The following EPHX3 variants were observed in gnomAD, a reference collection of about 807,000 sequenced individuals.
EPHX3 encodes epoxide hydrolase 3, also known as abhydrolase domain containing 9.
In EPHX3, 39 loss-of-function variants were observed where a neutral mutation model predicts 40.2. The observed-to-expected ratio is 0.97, with a 90% CI of 0.75 to 1.27. The LOEUF is 1.27. EPHX3 is among the 50% of genes most tolerant of loss of function. The pLI is 0.00. For synonymous variants in EPHX3, 213 were observed against 209.7 expected (o/e 1.02, Z -0.14); for missense variants, 442 against 474.0 (o/e 0.93, Z 0.63).
At position 15,231,052 on chromosome 19, in the gene EPHX3, C is replaced by T. The variant is rs140472573; in HGVS notation, c.526G>A (p.Ala176Thr). 7.2e-5 allele frequency: 116 copies of T among 1,614,102 alleles called. No individual in the cohort carries two copies. In the African/African-American group the frequency reaches 1.4e-3, roughly 19 times the overall value. ...ATGGAGAAATGCCAGGCAAGGAGGG[C>T]ACCCCAGTCATGGGCCACAAGGATG... ...KCILVAHDWG[A>T]LLAWHFSIYY... The change falls in exon 4 of 7, where the codon GCC (alanine) becomes ACC (threonine). Residue 176 changes from alanine to threonine, a missense_variant. Physicochemically the swap from Ala to Thr is moderately conservative, Grantham distance 58. Transcript: ENST00000221730.
chr19:15,236,239 T>G (rs1048262144), upstream of EPHX3: 1 of 152,250 alleles, frequency 6.6e-6, no homozygotes, highest in African/African-American at 2.4e-5. Context: ...ACTTGTATCT[T>G]ACATCTTAGG....
At chr19:15,231,447 C>A (rs777917701) in intron 2 of EPHX3, 51 bp from the exon 3 acceptor site, 27 of 1,591,016 alleles carry the variant, frequency 1.7e-5, no homozygotes, top group Non-Finnish European at 2.2e-5. Context: ...CAGGTTGCAC[C>A]TGCACCCTAC....
intron 4 of EPHX3, among the ~76,000 whole-genome samples, chr19:15,229,266 G>A (rs532602120): frequency 1.1e-4 from 16 of 151,974 alleles, no homozygotes; most frequent in South Asian, 2.1e-4. Context: ...TGCAGTCCCC[G>A]CTACTCTGGA....
rs1294876339 is a variant in EPHX3, at chr19:15,227,770, C to A, written c.857+1G>T. Reference sequence around the variant, plus strand: ...AGCTTATGCTTGGCAACTGGTCTCACCTGAAGAGGTTTCGGTAGTAGTTGA... The same window carrying A: ...AGCTTATGCTTGGCAACTGGTCTCAACTGAAGAGGTTTCGGTAGTAGTTGA... On this transcript the variant is annotated splice_donor_variant, in intron 6 of 6. Transcript: ENST00000221730. LOFTEE classifies it high-confidence loss of function. 1.2e-6 allele frequency: 2 copies of A among 1,613,662 alleles called. No homozygotes were observed. The highest frequency in any genetic ancestry group is 1.7e-5 in the Admixed American group (1 of 59,932).
At chr19:15,235,137 G>C (rs1229700087), upstream of EPHX3, among the ~76,000 whole-genome samples, 1 of 152,058 alleles carries the variant, frequency 6.6e-6, no homozygotes, top group Non-Finnish European at 1.5e-5. Context: ...GAGTAGCCGG[G>C]ACTACAGGTG....
upstream of EPHX3, among the ~76,000 whole-genome samples, chr19:15,235,234 G>A (rs1007450997): frequency 1.3e-5 from 2 of 151,974 alleles, no homozygotes; most frequent in Non-Finnish European, 1.5e-5. Flanking sequence ...CTTAACTCCT[G>A]ACCTCAAGCG....
Position 15,229,621 on chromosome 19 carries a change from G to A in EPHX3, c.616+1341C>T, listed in dbSNP as rs528582817. Among the ~76,000 whole-genome samples the A allele has an allele frequency of 4.0e-5, 6 of 149,010 alleles. No individual in the cohort carries two copies. In the East Asian group the frequency reaches 7.9e-4, roughly 20 times the overall value. On this transcript the variant is annotated intron_variant, in intron 4 of 6. Transcript: ENST00000221730. ...AAAAAAAAAAAAAAAGGGGCCAGGC[G>A]TGGTGGCTCACGCCTATACTCCCAG...
At chr19:15,229,546 G>A (rs1203039625) in intron 4 of EPHX3, among the ~76,000 whole-genome samples, 1 of 149,376 alleles carries the variant, frequency 6.7e-6, no homozygotes, top group African/African-American at 2.5e-5. Flanking sequence ...AGGTTGCCGT[G>A]AGCCGACATT....
chr19:15,233,983 C>A (rs1196733925), upstream of EPHX3, among the ~76,000 whole-genome samples: 1 of 151,908 alleles, frequency 6.6e-6, no homozygotes, highest in East Asian at 1.9e-4. Flanking sequence ...CGGCGTGAAC[C>A]CAGGAGGCGG....
intron 6 of EPHX3, 44 bp from the exon 7 acceptor site, chr19:15,227,706 A>T: frequency 1.2e-6 from 2 of 1,610,496 alleles, no homozygotes; most frequent in Non-Finnish European, 1.7e-6. Flanking sequence ...AGGCAGAAGG[A>T]TGGTTGCCTC....
At position 15,232,349 on chromosome 19, in the gene EPHX3, A is replaced by T; in HGVS notation, c.-138T>A. 7.3e-7 allele frequency: 1 copy of T among 1,374,438 alleles called. No homozygotes were observed. The highest frequency in any genetic ancestry group is 9.3e-7 in the Non-Finnish European group (1 of 1,073,290). The allele number at this position is 1,374,438 out of a possible 1,614,324, so 85.1% of individuals were successfully genotyped here. Reference sequence around the variant, plus strand: ...CCGTCGGGATTTGTGGGACGCGCTGAAGGAAGAGGCGGGCGGCTCCGACAG... The same window carrying T: ...CCGTCGGGATTTGTGGGACGCGCTGTAGGAAGAGGCGGGCGGCTCCGACAG... On this transcript the variant is annotated 5_prime_UTR_variant, in exon 1 of 7. Coordinates refer to ENST00000221730, the MANE Select transcript of EPHX3 (RefSeq NM_024794.3).
In EPHX3 at chr19:15,227,116, G is replaced by A. The variant is rs1169121917; in HGVS notation, c.*321C>T. 3 of 385,884 alleles carry A rather than the reference G, an allele frequency of 7.8e-6. No homozygotes were observed. The highest frequency in any genetic ancestry group is 2.9e-5 in the South Asian group (1 of 34,628). 23.9% of individuals were successfully genotyped at this position (385,884 alleles called of 1,614,324 possible). A position where few individuals can be genotyped will look rare whatever the true frequency, so the allele number is the denominator to read the frequency against. On this transcript the variant is annotated 3_prime_UTR_variant, in exon 7 of 7. Transcript: ENST00000221730. The stretch of plus-strand genomic sequence containing the variant: ...GGCAGAGAAGCGACTTTGGCAAAGC[G>A]CAGAGTGAGGCCCCAGGAAGGGAGG...
At chr19:15,231,663 C>T in intron 2 of EPHX3, 113 bp downstream of exon 2, 1 of 1,167,218 alleles carries the variant, frequency 8.6e-7, no homozygotes, top group Non-Finnish European at 1.3e-6. Flanking sequence ...CCCCTATCCC[C>T]ATCTATGTTC....
At position 15,231,380 on chromosome 19, in the gene EPHX3, G is replaced by A. The variant is rs759954720; in HGVS notation, c.346C>T (p.Gln116Ter). ...FPENWFSWRY[Q>*]LREFQSRFHV... is the part of the protein sequence containing the mutation. ...AAGCGGCTCTGGAACTCCCGGAGCT[G>A]GTAACGCCAGGAGAACCTGCCAGGC... The change falls in exon 3 of 7, where the codon CAG (glutamine) becomes TAG (stop). Residue 116 changes from glutamine (Q) to a stop codon, truncating the protein, a stop_gained. Transcript: ENST00000221730. LOFTEE classifies it high-confidence loss of function. The A allele has an allele frequency of 6.2e-7, 1 of 1,613,650 alleles. No individual in the cohort carries two copies. The highest frequency in any genetic ancestry group is 1.3e-5 in the African/African-American group (1 of 74,904).
chr19:15,236,370 G>C (rs1300121597), upstream of EPHX3: 1 of 152,238 alleles, frequency 6.6e-6, no homozygotes. Flanking sequence ...ATGTGCATGG[G>C]GGGTGAGGAT....
chr19:15,229,705 C>T (rs185473352), intron 4 of EPHX3, among the ~76,000 whole-genome samples: 42 of 150,266 alleles, frequency 2.8e-4, no homozygotes, highest in Non-Finnish European at 4.1e-4. Flanking sequence ...CCATCTTGGC[C>T]AACATGGTGA....
At chr19:15,231,455 T>A in intron 2 of EPHX3, 59 bp from the exon 3 acceptor site, 1 of 1,575,600 alleles carries the variant, frequency 6.3e-7, no homozygotes, top group East Asian at 2.3e-5. Context: ...ACCTGCACCC[T>A]ACGCACATCA....
chr19:15,236,286 G>T (rs1456098385), upstream of EPHX3: 1 of 152,198 alleles, frequency 6.6e-6, no homozygotes, highest in African/African-American at 2.4e-5. Context: ...TTGTGGCTGG[G>T]GCATGTACAT....
upstream of EPHX3, among the ~76,000 whole-genome samples, chr19:15,234,326 C>T (rs577537207): frequency 2.0e-5 from 3 of 152,158 alleles, no homozygotes; most frequent in Non-Finnish European, 2.9e-5. Flanking sequence ...CCCTTCCTCC[C>T]GGAAGCAGCC....
Sources: allele counts gnomAD v4.1 joint callset (sites outside exome capture counted in the v4.1 genomes callset), GRCh38; gene constraint gnomAD v4.1.1; transcripts MANE v1.5; gene names NCBI Gene and HGNC (gene_info 2026-07-23, HGNC 2026-07-21).